The following SNED1 variants were observed in gnomAD, a reference collection of about 807,000 sequenced individuals.
SNED1 encodes the protein sushi, nidogen and EGF like domains 1.
In SNED1, 81 loss-of-function variants were observed where a neutral mutation model predicts 166.7. That is an observed-to-expected ratio of 0.49 (90% CI 0.41 to 0.58). The LOEUF is 0.58. SNED1 is among the 20% of genes least tolerant of loss of function. The pLI is 0.00. For synonymous variants in SNED1, 762 were observed against 822.0 expected, an observed-to-expected ratio of 0.93 and a Z score of 1.25; for missense variants, 1,604 against 2,000.2, an observed-to-expected ratio of 0.80 and a Z score of 3.78.
intron 16 of SNED1, among the ~76,000 whole-genome samples, chr2:241,057,978 G>A (rs1236274630): frequency 6.6e-6 from 1 of 152,068 alleles, no homozygotes; most frequent in African/African-American, 2.4e-5. Context: ...AATTATGATA[G>A]AAAAAATACA....
In SNED1 at chr2:241,073,028, C is replaced by T; in HGVS notation, c.3818-238C>T. On this transcript the variant is annotated intron_variant, in intron 26 of 31. Coordinates refer to ENST00000310397, the MANE Select transcript of SNED1 (RefSeq NM_001080437.3). The surrounding 1 kb of genome is among the most constrained non-coding windows in gnomAD (Gnocchi z 6.6). ...AGTGGTGGCTGTCCCTGAAGCAGCT[C>T]TGAGGGGGCCCTGCAAGGGGAAGGC... 3.8e-6 allele frequency: 2 copies of T among 530,984 alleles called. No homozygotes were observed. Among genetic ancestry groups the T allele is most frequent in the Non-Finnish European group, 6.7e-6 (2 of 298,506 alleles). The allele number at this position is 530,984 out of a possible 1,614,324, so 32.9% of individuals were successfully genotyped here.
At chr2:241,081,411 CTTGT>C (rs1182095077) in intron 27 of SNED1, among the ~76,000 whole-genome samples, 2 of 150,262 alleles carry the variant, frequency 1.3e-5, no homozygotes, top group Non-Finnish European at 1.5e-5. Context: ...TCTCCTCCTC[CTTGT>C]TTTTGTTTGT....
chr2:241,033,711 T>C, intron 2 of SNED1, 24 bp from the exon 3 acceptor site: 2 of 1,604,270 alleles, frequency 1.2e-6, no homozygotes. Flanking sequence ...TGCAGGGCCC[T>C]GTTCAGCCCC....
intron 16 of SNED1, among the ~76,000 whole-genome samples, chr2:241,061,975 G>C (rs1346328409): frequency 1.3e-5 from 2 of 152,182 alleles, no homozygotes; most frequent in Non-Finnish European, 2.9e-5. Flanking sequence ...TTATTCAGCA[G>C]TGAAAATCTA....
chr2:241,088,725 CA>C, intron 31 of SNED1: 1 of 363,576 alleles, frequency 2.8e-6, no homozygotes, highest in Non-Finnish European at 5.0e-6. Context: ...GAGGAAGAGG[CA>C]GGGGGGTGGG....
chr2:241,065,255 C>T lies in SNED1; in HGVS notation c.2714-44C>T, dbSNP rs111973019. 5.2e-5 allele frequency: 83 copies of T among 1,603,308 alleles called. 1 individual carries two copies. Among genetic ancestry groups the T allele is most frequent in the African/African-American group, 2.8e-4 (21 of 74,826 alleles). On this transcript the variant is annotated intron_variant, in intron 20 of 31. Transcript: ENST00000310397. Reference sequence around the variant, plus strand: ...ACGGGAGCCAGGCATGCATAGCTAACGGCTGACCAGTCCCCTCCCCTTGTT... The same window carrying T: ...ACGGGAGCCAGGCATGCATAGCTAATGGCTGACCAGTCCCCTCCCCTTGTT...
At chr2:241,023,178 GTTTA>G (rs1214034042) in intron 1 of SNED1, among the ~76,000 whole-genome samples, 3 of 151,610 alleles carry the variant, frequency 2.0e-5, no homozygotes, top group Non-Finnish European at 4.4e-5. Context: ...TAAATTTTGT[GTTTA>G]TTTACTATAT....
In SNED1 at chr2:241,052,404, G is replaced by A. The variant is rs1414016317; in HGVS notation, c.2019G>A (p.Glu673=). ...CGTGTGTGAATGGGGGCACCTGCGA[G>A]GACCGGGACACGGATTTCTTCTGCC... ...RSPCVNGGTC[E]DRDTDFFCHC... is the part of the protein sequence containing the mutation. The change falls in exon 15 of 32, where the codon GAG becomes GAA. Residue 673 remains glutamate (E), a synonymous_variant. Coordinates refer to ENST00000310397, the MANE Select transcript of SNED1 (RefSeq NM_001080437.3). 8.7e-6 allele frequency: 14 copies of A among 1,601,310 alleles called. No homozygotes were observed. Among genetic ancestry groups the A allele is most frequent in the Middle Eastern group, 1.7e-4 (1 of 5,960 alleles).
chr2:241,055,499 G>A (rs1453240560), intron 16 of SNED1, among the ~76,000 whole-genome samples: 2 of 152,212 alleles, frequency 1.3e-5, no homozygotes, highest in African/African-American at 2.4e-5. Flanking sequence ...TGGTTAGGGT[G>A]TAGACAGTCA....
intron 1 of SNED1, among the ~76,000 whole-genome samples, chr2:241,028,788 C>T (rs1022733987): frequency 6.6e-6 from 1 of 152,084 alleles, no homozygotes; most frequent in African/African-American, 2.4e-5. Context: ...TTGCATTGAT[C>T]TCTTTGAACC....
chr2:241,062,929 G>A, intron 17 of SNED1, 25 bp downstream of exon 17: 1 of 1,442,330 alleles, frequency 6.9e-7, no homozygotes, highest in Non-Finnish European at 9.5e-7. Flanking sequence ...GGCCCCGCTG[G>A]GGTGACAGCT....
chr2:241,090,175 T>C (rs982252038), intron 31 of SNED1: 3 of 1,461,960 alleles, frequency 2.1e-6, no homozygotes, highest in Non-Finnish European at 2.7e-6. Context: ...AATTGTTTTC[T>C]GTCCTTAGTG....
rs2061290302 is a variant in SNED1 at position 241,034,666 on chromosome 2, G to A, written c.741G>A (p.Val247=). The change falls in exon 4 of 32, where the codon GTG becomes GTA. Residue 247 remains valine, a synonymous_variant. Transcript: ENST00000310397. ...TGGAGACCACCACCAACGTGGGTGT[G>A]CCCGGGCGCTGGGCGTTCAGAATCG... ...AEVETTTNVG[V]PGRWAFRIDD... 2 of 1,609,244 alleles carry A rather than the reference G, an allele frequency of 1.2e-6. No homozygotes were observed. Among genetic ancestry groups the A allele is most frequent in the Admixed American group, 1.7e-5 (1 of 59,550 alleles).
intron 2 of SNED1, 54 bp downstream of exon 2, chr2:241,030,625 T>A: frequency 1.3e-6 from 2 of 1,563,446 alleles, no homozygotes; most frequent in Non-Finnish European, 1.7e-6. Flanking sequence ...GGGCCCAGGG[T>A]CTCCCCGCAC....
chr2:241,066,349 A>G (rs944462566), intron 21 of SNED1, among the ~76,000 whole-genome samples: 1 of 152,176 alleles, frequency 6.6e-6, no homozygotes, highest in Non-Finnish European at 1.5e-5. Flanking sequence ...GGGAAGGAGA[A>G]AGGAGCCCTA....
intron 31 of SNED1, chr2:241,089,473 C>A: frequency 2.0e-6 from 3 of 1,521,612 alleles, no homozygotes; most frequent in Non-Finnish European, 2.7e-6. Context: ...GTGTCCACAC[C>A]CCCTTGGGGG....
At chr2:241,087,769 C>G in intron 30 of SNED1, 7 of 1,099,752 alleles carry the variant, frequency 6.4e-6, no homozygotes, top group Non-Finnish European at 8.2e-6. Flanking sequence ...CAGGGTGTTA[C>G]GGACAGCCCC....
In SNED1 at chr2:241,048,736, CT is replaced by C; in HGVS notation, c.1475del (p.Leu492ArgfsTer19). 1 of 1,612,526 alleles carries C rather than the reference CT, an allele frequency of 6.2e-7. No homozygotes were observed. Among genetic ancestry groups the C allele is most frequent in the Non-Finnish European group, 8.5e-7 (1 of 1,179,436 alleles). ...GANTTLCQCP[L>X]GFFGLLCEFE... ...CAACACCACCCTCTGCCAGTGCCCC[CT>C]GGGATTCTTTGGGCTTCTCTGTGAA... On this transcript the variant is annotated frameshift_variant, in exon 10 of 32. Coordinates refer to ENST00000310397, the MANE Select transcript of SNED1 (RefSeq NM_001080437.3). LOFTEE classifies it high-confidence loss of function.
rs890223709 is a variant in SNED1 at position 241,051,419 on chromosome 2, G to A, written c.1736-325G>A. ...GTCAGATGGGGAATGCCCGTGTGCA[G>A]GAGGGAGGGAGTGCTGCGCCCGCTG... is the stretch of plus-strand genomic sequence containing the variant. On this transcript the variant is annotated intron_variant, in intron 12 of 31. Coordinates refer to ENST00000310397, the MANE Select transcript of SNED1 (RefSeq NM_001080437.3). This position sits in a 1 kb window ranked among gnomAD's most constrained non-coding sequence, Gnocchi z 4.7. 3 of 274,456 alleles carry A rather than the reference G, an allele frequency of 1.1e-5. No individual in the cohort carries two copies. The highest frequency in any genetic ancestry group is 2.0e-5 in the Non-Finnish European group (3 of 146,966). The allele number at this position is 274,456 out of a possible 1,614,324, so 17.0% of individuals were successfully genotyped here. A position where few individuals can be genotyped will look rare whatever the true frequency, so the allele number is the denominator to read the frequency against.
Sources: allele counts gnomAD v4.1 joint callset (sites outside exome capture counted in the v4.1 genomes callset), GRCh38; gene constraint gnomAD v4.1.1; non-coding constraint Gnocchi (gnomAD v3.1); transcripts MANE v1.5; gene names NCBI Gene and HGNC (gene_info 2026-07-23, HGNC 2026-07-21).